Variants in CNTN5 observed in about 807,000 individuals in gnomAD.
CNTN5 encodes contactin-5.
CNTN5 carries 77 observed loss-of-function variants against 129.1 expected under a neutral mutation model. The observed-to-expected ratio is 0.60, with a 90% CI of 0.50 to 0.72. The LOEUF (loss-of-function observed/expected upper bound fraction) is 0.72, where lower values mean the gene tolerates loss of function less well. Ranked by LOEUF, CNTN5 falls within the 30% of genes least tolerant of loss-of-function variation. The pLI, the probability that CNTN5 is intolerant of heterozygous loss-of-function variation, is 0.00. For missense variants in CNTN5, 1,478 were observed against 1,328.8 expected, an observed-to-expected ratio of 1.11 and a Z score of -1.75; for synonymous variants, 509 against 465.6, an observed-to-expected ratio of 1.09 and a Z score of -1.20.
At chr11:99,688,812 G>A (rs1322332129) in intron 3 of CNTN5, among the ~76,000 whole-genome samples, 1 of 151,988 alleles carries the variant, frequency 6.6e-6, no homozygotes, top group Non-Finnish European at 1.5e-5. Flanking sequence ...ACACGTTAAT[G>A]TATTCTCATG....
rs1056024967 is a variant in CNTN5 at position 99,844,766 on chromosome 11, G to C, written c.278-86G>C. 6 of 1,318,888 alleles carry C rather than the reference G, an allele frequency of 4.5e-6. No individual in the cohort carries two copies. In the African/African-American group the frequency reaches 8.9e-5, roughly 20 times the overall value. The allele number at this position is 1,318,888 out of a possible 1,614,324, so 81.7% of individuals were successfully genotyped here. On this transcript the variant is annotated intron_variant, in intron 4 of 24. Coordinates refer to ENST00000524871, the MANE Select transcript of CNTN5 (RefSeq NM_014361.4). ...ATTACAAGAAAAGAGCAAGAATTTT[G>C]AATATAAGTAAGATGGAAAAGAAAA... is the stretch of plus-strand genomic sequence containing the variant.
intron 2 of CNTN5, among the ~76,000 whole-genome samples, chr11:99,511,674 A>G (rs78056914): frequency 0.057 from 8,561 of 151,466 alleles, 246 homozygotes; most frequent in South Asian, 0.077. Flanking sequence ...TTGTGTGGGA[A>G]TCTAAGTCTC....
At chr11:99,549,361 C>A (rs1297057237) in intron 2 of CNTN5, among the ~76,000 whole-genome samples, 1 of 152,042 alleles carries the variant, frequency 6.6e-6, no homozygotes, top group Non-Finnish European at 1.5e-5. Context: ...CCTTTGGGAT[C>A]TTAGACATAT....
chr11:99,123,944 A>G (rs1382195310), intron 1 of CNTN5, among the ~76,000 whole-genome samples: 10 of 151,890 alleles, frequency 6.6e-5, no homozygotes, highest in Non-Finnish European at 1.5e-4. Context: ...TTTGATTACC[A>G]TAGCCTTGTA....
intron 3 of CNTN5, among the ~76,000 whole-genome samples, chr11:99,779,779 CCAA>C (rs1344572114): frequency 5.3e-5 from 8 of 152,008 alleles, no homozygotes; most frequent in Middle Eastern, 3.4e-3. Context: ...CAGTTTGTGG[CCAA>C]CAACAAATCC....
intron 2 of CNTN5, among the ~76,000 whole-genome samples, chr11:99,412,685 C>T (rs574715494): frequency 3.2e-4 from 48 of 152,234 alleles, no homozygotes; most frequent in African/African-American, 1.1e-3. Context: ...ATAAAATTCC[C>T]GAGGTCGCCA....
At chr11:100,019,646 C>CA (rs1941022635) in intron 9 of CNTN5, among the ~76,000 whole-genome samples, 2 of 151,756 alleles carry the variant, frequency 1.3e-5, no homozygotes, top group African/African-American at 4.8e-5. Flanking sequence ...TATATGCTGC[C>CA]AAAACAGGAA....
At chr11:100,343,621 A>G (rs900839764) in intron 23 of CNTN5, among the ~76,000 whole-genome samples, 3 of 152,116 alleles carry the variant, frequency 2.0e-5, no homozygotes, top group Non-Finnish European at 2.9e-5. Flanking sequence ...AATATAAACT[A>G]AAGAGCTATA....
chr11:99,992,748 A>G (rs1939193838), intron 8 of CNTN5, among the ~76,000 whole-genome samples: 1 of 152,320 alleles, frequency 6.6e-6, no homozygotes, highest in South Asian at 2.1e-4. Flanking sequence ...TAGCTCTTCA[A>G]AAGTAATTGG....
At chr11:99,123,208 G>GT (rs370959291) in intron 1 of CNTN5, among the ~76,000 whole-genome samples, 628 of 147,200 alleles carry the variant, frequency 4.3e-3, no homozygotes, top group Admixed American at 6.2e-3. Flanking sequence ...TCATTAGCAT[G>GT]TTTTTTTTTT....
At chr11:100,190,602 G>A (rs1948450701) in intron 13 of CNTN5, among the ~76,000 whole-genome samples, 1 of 152,020 alleles carries the variant, frequency 6.6e-6, no homozygotes, top group South Asian at 2.1e-4. Context: ...AGCAGCCCAG[G>A]TATCAGGTTG....
At chr11:99,904,598 A>G (rs538935633) in intron 6 of CNTN5, among the ~76,000 whole-genome samples, 25 of 152,262 alleles carry the variant, frequency 1.6e-4, no homozygotes, top group South Asian at 4.2e-4. Context: ...GCTGCAGTAA[A>G]CATACATGTA....
At chr11:100,151,989 T>G (rs1442706497) in intron 13 of CNTN5, among the ~76,000 whole-genome samples, 1 of 152,182 alleles carries the variant, frequency 6.6e-6, no homozygotes, top group Non-Finnish European at 1.5e-5. Flanking sequence ...TGCTAGTTTT[T>G]CTGAAACTCT....
intron 3 of CNTN5, among the ~76,000 whole-genome samples, chr11:99,815,454 A>G (rs1487999568): frequency 1.3e-5 from 2 of 152,152 alleles, no homozygotes; most frequent in African/African-American, 4.8e-5. Context: ...TATCCCTGAG[A>G]GAGGAGGAGA....
At chr11:99,260,981 A>G (rs551888095) in intron 1 of CNTN5, among the ~76,000 whole-genome samples, 309 of 152,044 alleles carry the variant, frequency 2.0e-3, no homozygotes, top group Non-Finnish European at 2.4e-3. Context: ...GCTACTTGTG[A>G]TGAATCAGTA....
At chr11:99,176,618 T>A (rs777841819) in intron 1 of CNTN5, among the ~76,000 whole-genome samples, 30 of 152,220 alleles carry the variant, frequency 2.0e-4, no homozygotes, top group Non-Finnish European at 4.0e-4. Flanking sequence ...TAGCTTCTCT[T>A]TTTCTTACAC....
rs189745758 is a variant in CNTN5 at position 100,056,565 on chromosome 11, A to T, written c.981-4647A>T. 3.2e-4 allele frequency among the ~76,000 whole-genome samples: 49 copies of T among 151,816 alleles called. 1 individual carries two copies. The highest frequency in any genetic ancestry group is 1.1e-3 in the African/African-American group (47 of 41,522). ...GGTAAAGGATAATTACAACTCTAAA[A>T]ATAATAATAACTTTTATGAACAGGT... On this transcript the variant is annotated intron_variant, in intron 9 of 24. Transcript: ENST00000524871.
Position 99,945,489 on chromosome 11 carries a change from C to CGTGTGTGTGT in CNTN5, c.674-11298_674-11289dup, listed in dbSNP as rs3990615. Among the ~76,000 whole-genome samples, 799 of 148,994 alleles carry CGTGTGTGTGT rather than the reference C, an allele frequency of 5.4e-3. 5 individuals are homozygous for CGTGTGTGTGT. Among genetic ancestry groups the CGTGTGTGTGT allele is most frequent in the Non-Finnish European group, 8.1e-3 (546 of 67,286 alleles). ...CATAGCAAAAAATAAAACCTCTGTG[C>CGTGTGTGTGT]GTGTGTGTGTGTGTGTGTGTGTGTG... On this transcript the variant is annotated intron_variant, in intron 7 of 24. Coordinates refer to ENST00000524871, the MANE Select transcript of CNTN5 (RefSeq NM_014361.4).
chr11:99,382,272 C>T (rs1398034055), intron 2 of CNTN5, among the ~76,000 whole-genome samples: 1 of 152,104 alleles, frequency 6.6e-6, no homozygotes, highest in Non-Finnish European at 1.5e-5. Flanking sequence ...GACTGAATGG[C>T]ACGCAGCACC....
Sources: allele counts gnomAD v4.1 joint callset (sites outside exome capture counted in the v4.1 genomes callset), GRCh38; gene constraint gnomAD v4.1.1; transcripts MANE v1.5; gene names NCBI Gene and HGNC (gene_info 2026-07-23, HGNC 2026-07-21).